The following CYP26B1 variants were observed in gnomAD, a reference collection of about 807,000 sequenced individuals.
CYP26B1 encodes cytochrome P450 26B1.
In CYP26B1, 8 loss-of-function variants were observed where a neutral mutation model predicts 39.1. That is an observed-to-expected ratio of 0.20 (90% CI 0.12 to 0.37). CYP26B1 has a LOEUF of 0.37. CYP26B1 is among the 10% of genes least tolerant of loss of function. CYP26B1 has a pLI of 1.00. For missense variants in CYP26B1, 615 were observed against 707.0 expected (o/e 0.87, Z 1.48); for synonymous variants, 321 against 314.3 (o/e 1.02, Z -0.23).
chr2:72,134,563 G>GCC (rs1338110398), intron 4 of CYP26B1, among the ~76,000 whole-genome samples, 198 bp downstream of exon 4: 4 of 152,174 alleles, frequency 2.6e-5, no homozygotes, highest in African/African-American at 9.7e-5. Flanking sequence ...AAGGGAGGGT[G>GCC]CCCCACGGCA....
Position 72,134,834 on chromosome 2 carries a change from T to A in CYP26B1, c.788A>T (p.Tyr263Phe), listed in dbSNP as rs1359853659. 1.2e-6 allele frequency: 2 copies of A among 1,614,162 alleles called. No individual in the cohort carries two copies. Among genetic ancestry groups the A allele is most frequent in the Non-Finnish European group, 1.7e-6 (2 of 1,180,014 alleles). The change falls in exon 4 of 6, where the codon TAC becomes TTC. Residue 263 changes from tyrosine to phenylalanine, a missense_variant. Coordinates refer to ENST00000001146, the MANE Select transcript of CYP26B1 (RefSeq NM_019885.4). ...AATGAGGAGGTCCAGGGCGTCCAAG[T>A]AGTCCTTGCCCTGTGTGCACTGCAG... ...EKLQCTQGKD[Y>F]LDALDLLIES...
intron 1 of CYP26B1, chr2:72,144,528 C>T (rs1677060971): frequency 1.7e-6 from 2 of 1,146,810 alleles, no homozygotes; most frequent in South Asian, 3.8e-5. Flanking sequence ...CCGCCCCCAC[C>T]CCCACCCCCA....
rs2104029933 is a variant in CYP26B1 at position 72,131,925 on chromosome 2, G to GT, written c.*301dup. 11 of 473,364 alleles carry GT rather than the reference G, an allele frequency of 2.3e-5. No individual in the cohort carries two copies. Among genetic ancestry groups the GT allele is most frequent in the Non-Finnish European group, 3.9e-5 (10 of 258,692 alleles). 29.3% of individuals were successfully genotyped at this position (473,364 alleles called of 1,614,324 possible). On this transcript the variant is annotated 3_prime_UTR_variant, in exon 6 of 6. Coordinates refer to ENST00000001146, the MANE Select transcript of CYP26B1 (RefSeq NM_019885.4). ...CAGTTCAGAACATCACAAAAACACT[G>GT]TAGCACGCGCTGACACCTAACACTG...
intron 1 of CYP26B1, 115 bp from the exon 2 acceptor site, chr2:72,144,328 C>T (rs1380924670): frequency 1.0e-5 from 15 of 1,489,472 alleles, no homozygotes; most frequent in Admixed American, 7.0e-5. Context: ...CCCCACCAAA[C>T]ACACTCACAC....
At position 72,147,111 on chromosome 2, in the gene CYP26B1, T is replaced by C. The variant is rs756980325; in HGVS notation, c.204+520A>G. 6.6e-6 allele frequency among the ~76,000 whole-genome samples: 1 copy of C among 152,200 alleles called. No individual in the cohort carries two copies. The highest frequency in any genetic ancestry group is 1.5e-5 in the Non-Finnish European group (1 of 68,022). Reference sequence around the variant, plus strand: ...CGCGCGGACCGCGGACCAGGGACACTGTACCTGGCGCTGCCGACGGCGCCG... The same window carrying C: ...CGCGCGGACCGCGGACCAGGGACACCGTACCTGGCGCTGCCGACGGCGCCG... On this transcript the variant is annotated intron_variant, in intron 1 of 5. Transcript: ENST00000001146. This position sits in a 1 kb window ranked among gnomAD's most constrained non-coding sequence, Gnocchi z 6.1.
intron 1 of CYP26B1, among the ~76,000 whole-genome samples, chr2:72,146,946 C>T: frequency 6.6e-6 from 1 of 152,188 alleles, no homozygotes; most frequent in East Asian, 1.9e-4. Context: ...CCCACACTCA[C>T]CTCTCCCAAG....
rs772338043 is a variant in CYP26B1 at position 72,133,138 on chromosome 2, C to G, written c.1031G>C (p.Arg344Pro). ...GCGCAGCCCACTGAGCGTGTCCAGG[C>G]GCAGTGTGCCCTCGCAGGGGCAGCC... ...SGGCPCEGTL[R>P]LDTLSGLRYL... The change falls in exon 5 of 6, where the codon CGC becomes CCC. Residue 344 changes from arginine (R) to proline (P), a missense_variant. Physicochemically the swap from Arg to Pro is moderately radical, Grantham distance 103. Coordinates refer to ENST00000001146, the MANE Select transcript of CYP26B1 (RefSeq NM_019885.4). 2.5e-6 allele frequency: 4 copies of G among 1,612,732 alleles called. No homozygotes were observed. In the South Asian group the frequency reaches 4.4e-5, roughly 18 times the overall value.
chr2:72,132,897 C>T (rs1676634881), intron 5 of CYP26B1, 126 bp downstream of exon 5: 2 of 1,496,752 alleles, frequency 1.3e-6, no homozygotes, highest in Non-Finnish European at 1.8e-6. Context: ...CTGAAAGCTC[C>T]CTGAAAGCAA....
At chr2:72,135,855 G>A (rs931059852) in intron 2 of CYP26B1, among the ~76,000 whole-genome samples, 1 of 152,114 alleles carries the variant, frequency 6.6e-6, no homozygotes, top group Non-Finnish European at 1.5e-5. Context: ...ACACCTACTG[G>A]GTGCAGATTC....
rs765603609 is a variant in CYP26B1 at position 72,132,554 on chromosome 2, G to A, written c.1212C>T (p.Pro404=). The A allele has an allele frequency of 1.4e-5, 22 of 1,609,272 alleles. No individual in the cohort carries two copies. Among genetic ancestry groups the A allele is most frequent in the South Asian group, 6.6e-5 (6 of 90,772 alleles). The change falls in exon 6 of 6, where the codon CCC becomes CCT. Residue 404 remains proline, a synonymous_variant. Transcript: ENST00000001146. ...YSIRDTHDTA[P]VFKDVNVFDP... ...CGAACACGTTCACGTCTTTGAACAC[G>A]GGCGCTGTGTCATGGGTGTCCCGGA... is the stretch of plus-strand genomic sequence containing the variant.
intron 1 of CYP26B1, among the ~76,000 whole-genome samples, chr2:72,146,115 C>A (rs1321345524): frequency 6.6e-6 from 1 of 152,122 alleles, no homozygotes; most frequent in East Asian, 1.9e-4. Context: ...TGGACGCTGA[C>A]CCCCAGGGGC....
At chr2:72,140,724 T>C (rs895065120) in intron 2 of CYP26B1, among the ~76,000 whole-genome samples, 2 of 152,166 alleles carry the variant, frequency 1.3e-5, no homozygotes, top group African/African-American at 4.8e-5. Flanking sequence ...GTTTCCAAGA[T>C]GGGGCCAAAG....
chr2:72,145,443 C>T (rs1040278944), intron 1 of CYP26B1, among the ~76,000 whole-genome samples: 4 of 152,178 alleles, frequency 2.6e-5, no homozygotes, highest in South Asian at 2.1e-4. Context: ...CGCTGTCCCC[C>T]TCCCAGGCTG....
Position 72,147,327 on chromosome 2 carries a change from C to T in CYP26B1, c.204+304G>A, listed in dbSNP as rs1270773449. Among the ~76,000 whole-genome samples, 1 of 152,140 alleles carries T rather than the reference C, an allele frequency of 6.6e-6. No homozygotes were observed. The highest frequency in any genetic ancestry group is 1.5e-5 in the Non-Finnish European group (1 of 68,012). On this transcript the variant is annotated intron_variant, in intron 1 of 5. Transcript: ENST00000001146. The surrounding 1 kb of genome is among the most constrained non-coding windows in gnomAD (Gnocchi z 6.1). ...GGGACCGCGCCTCGCTAGGCGCCCC[C>T]GGGGCGCTCCACGCCCCCTGCCAGG...
chr2:72,142,218 C>G (rs1217334913), intron 2 of CYP26B1, among the ~76,000 whole-genome samples: 2 of 152,148 alleles, frequency 1.3e-5, no homozygotes, highest in Non-Finnish European at 2.9e-5. Flanking sequence ...CAGCCAACAC[C>G]GGGAGGCCCG....
At position 72,133,156 on chromosome 2, in the gene CYP26B1, G is replaced by A. The variant is rs1423723905; in HGVS notation, c.1013C>T (p.Pro338Leu). The change falls in exon 5 of 6, where the codon CCC becomes CTC. Residue 338 changes from proline (P) to leucine (L), a missense_variant. Coordinates refer to ENST00000001146, the MANE Select transcript of CYP26B1 (RefSeq NM_019885.4). ...GTCCAGGCGCAGTGTGCCCTCGCAG[G>A]GGCAGCCGCCACTGTGCAGGATGCC... ...AHGILHSGGCPCEGTLRLDTL... is the reference protein window; with the variant it reads ...AHGILHSGGCLCEGTLRLDTL... 2 of 1,611,630 alleles carry A rather than the reference G, an allele frequency of 1.2e-6. No homozygotes were observed. Among genetic ancestry groups the A allele is most frequent in the Admixed American group, 1.7e-5 (1 of 59,984 alleles).
intron 2 of CYP26B1, among the ~76,000 whole-genome samples, chr2:72,142,427 G>A (rs1676969976): frequency 6.6e-6 from 1 of 152,286 alleles, no homozygotes; most frequent in South Asian, 2.1e-4. Flanking sequence ...CTATTCCCAC[G>A]GACGCTGCAG....
Position 72,131,844 on chromosome 2 carries a change from T to C in CYP26B1, c.*383A>G. 1 of 222,790 alleles carries C rather than the reference T, an allele frequency of 4.5e-6. No individual in the cohort carries two copies. Among genetic ancestry groups the C allele is most frequent in the Non-Finnish European group, 9.0e-6 (1 of 111,582 alleles). The allele number at this position is 222,790 out of a possible 1,614,324, so 13.8% of individuals were successfully genotyped here. Reference sequence around the variant, plus strand: ...AAGAGTGCGCCCAAGGGGGCACGGCTCTTCCCGTCCCCCAACCCCAGCTAA... The same window carrying C: ...AAGAGTGCGCCCAAGGGGGCACGGCCCTTCCCGTCCCCCAACCCCAGCTAA... On this transcript the variant is annotated 3_prime_UTR_variant, in exon 6 of 6. Transcript: ENST00000001146.
rs1558964701 is a variant in CYP26B1 at position 72,131,131 on chromosome 2, C to G, written c.*1096G>C. Reference sequence around the variant, plus strand: ...TGCACTGGGGTGAACAGGGGCCAAACAGGAAATCGTGGCCGCCTCCAAATC... The same window carrying G: ...TGCACTGGGGTGAACAGGGGCCAAAGAGGAAATCGTGGCCGCCTCCAAATC... On this transcript the variant is annotated 3_prime_UTR_variant, in exon 6 of 6. Coordinates refer to ENST00000001146, the MANE Select transcript of CYP26B1 (RefSeq NM_019885.4). The G allele has an allele frequency of 6.6e-6, 1 of 152,656 alleles. No individual in the cohort carries two copies. The highest frequency in any genetic ancestry group is 2.4e-5 in the African/African-American group (1 of 41,462). The allele number at this position is 152,656 out of a possible 1,614,324, so 9.5% of individuals were successfully genotyped here.
Sources: allele counts gnomAD v4.1 joint callset (sites outside exome capture counted in the v4.1 genomes callset), GRCh38; gene constraint gnomAD v4.1.1; non-coding constraint Gnocchi (gnomAD v3.1); transcripts MANE v1.5; gene names NCBI Gene and HGNC (gene_info 2026-07-23, HGNC 2026-07-21).